The following SLC30A8 variants were observed in gnomAD, a reference collection of about 807,000 sequenced individuals.
The protein encoded by SLC30A8 is solute carrier family 30 member 8, also known as proton-coupled zinc antiporter SLC30A8.
A neutral mutation model predicts 36.9 loss-of-function variants in SLC30A8; 27 were observed. The ratio of observed to expected loss-of-function variants is 0.73; its 90% confidence interval spans 0.54 to 1.01. SLC30A8 has a LOEUF of 1.01. Ranked by LOEUF, SLC30A8 falls within the 50% of genes least tolerant of loss-of-function variation. SLC30A8 has a pLI of 0.00. For missense variants in SLC30A8, 439 were observed against 452.0 expected, an observed-to-expected ratio of 0.97 and a Z score of 0.26; for synonymous variants, 164 against 172.4, an observed-to-expected ratio of 0.95 and a Z score of 0.38.
intron 2 of SLC30A8, among the ~76,000 whole-genome samples, chr8:117,050,458 TGCAGTA>T (rs1163287401): frequency 1.3e-5 from 2 of 151,874 alleles, no homozygotes; most frequent in African/African-American, 4.8e-5. Flanking sequence ...CAGGCTGGAA[TGCAGTA>T]GCATGATCTC....
At chr8:117,124,217 A>G (rs1245943229) in intron 2 of SLC30A8, among the ~76,000 whole-genome samples, 1 of 151,958 alleles carries the variant, frequency 6.6e-6, no homozygotes, top group Non-Finnish European at 1.5e-5. Context: ...TGGTCTAGGG[A>G]GATGAATCTT....
At chr8:116,969,144 A>C (rs976995457) in intron 1 of SLC30A8, among the ~76,000 whole-genome samples, 1 of 152,034 alleles carries the variant, frequency 6.6e-6, no homozygotes, top group African/African-American at 2.4e-5. Flanking sequence ...GGGGCTTGAC[A>C]TGGTGGCTCA....
intron 2 of SLC30A8, among the ~76,000 whole-genome samples, chr8:117,151,793 T>A (rs577881142): frequency 6.6e-6 from 1 of 152,312 alleles, no homozygotes; most frequent in Admixed American, 6.5e-5. Flanking sequence ...CAGGACCAAG[T>A]TTGGCAGATA....
At chr8:117,049,048 A>G (rs1817633792) in intron 2 of SLC30A8, among the ~76,000 whole-genome samples, 1 of 152,236 alleles carries the variant, frequency 6.6e-6, no homozygotes, top group Admixed American at 6.5e-5. Flanking sequence ...GAAGATTTCT[A>G]GTATCATACA....
intron 1 of SLC30A8, among the ~76,000 whole-genome samples, chr8:116,975,847 C>T (rs1173086221): frequency 6.6e-6 from 1 of 152,198 alleles, no homozygotes; most frequent in Admixed American, 6.5e-5. Context: ...AGGAGATAGA[C>T]TTATTCATAA....
At chr8:117,022,435 A>G (rs1004740711) in intron 1 of SLC30A8, among the ~76,000 whole-genome samples, 15 of 152,198 alleles carry the variant, frequency 9.9e-5, no homozygotes, top group Non-Finnish European at 1.3e-4. Flanking sequence ...TCTGGTATGA[A>G]TGACCTTTAG....
chr8:117,126,888 G>A (rs930421667), intron 2 of SLC30A8, among the ~76,000 whole-genome samples: 2 of 152,016 alleles, frequency 1.3e-5, no homozygotes, highest in African/African-American at 4.8e-5. Context: ...TATCTGGCAG[G>A]ATGAGAATGC....
chr8:117,100,306 G>A (rs1819651478), intron 2 of SLC30A8, among the ~76,000 whole-genome samples: 1 of 152,086 alleles, frequency 6.6e-6, no homozygotes, highest in African/African-American at 2.4e-5. Context: ...ATATCACAGT[G>A]GAAAAGATAT....
At chr8:117,071,161 C>G (rs1195198629) in intron 2 of SLC30A8, among the ~76,000 whole-genome samples, 2 of 152,132 alleles carry the variant, frequency 1.3e-5, no homozygotes, top group East Asian at 3.9e-4. Flanking sequence ...ATAGTCCCAC[C>G]AACAACATAC....
chr8:117,142,689 A>G (rs56274031), intron 1 of SLC30A8, among the ~76,000 whole-genome samples: 7 of 152,216 alleles, frequency 4.6e-5, no homozygotes, highest in Admixed American at 6.5e-5. Flanking sequence ...TGGTAATTCT[A>G]TAACTTGCTG....
Position 117,171,086 on chromosome 8 carries a change from C to T in SLC30A8, c.882C>T (p.Val294=), listed in dbSNP as rs768720476. 3.0e-5 allele frequency: 48 copies of T among 1,612,032 alleles called. No homozygotes were observed. The highest frequency in any genetic ancestry group is 3.7e-5 in the Non-Finnish European group (44 of 1,179,112). ...YSGVKELILA[V]DGVLSVHSLH... ...GTGTGAAAGAGCTTATTTTAGCAGT[C>T]GACGGGGTGCTGTCTGTGCACAGCC... The change falls in exon 7 of 8, where the codon GTC becomes GTT. Residue 294 remains valine (V), a synonymous_variant. Transcript: ENST00000456015.
intron 2 of SLC30A8, among the ~76,000 whole-genome samples, chr8:117,065,989 C>T (rs1372260129): frequency 6.6e-6 from 1 of 152,112 alleles, no homozygotes; most frequent in African/African-American, 2.4e-5. Context: ...TGGCCCCATT[C>T]TGTATTATTC....
intron 2 of SLC30A8, among the ~76,000 whole-genome samples, chr8:117,081,042 T>A (rs148523064): frequency 1.1e-4 from 16 of 152,336 alleles, no homozygotes; most frequent in African/African-American, 3.6e-4. Flanking sequence ...TTATTTACTT[T>A]AATATCTTCC....
intron 2 of SLC30A8, among the ~76,000 whole-genome samples, chr8:117,103,889 C>A (rs1057093497): frequency 6.6e-6 from 1 of 152,146 alleles, no homozygotes; most frequent in African/African-American, 2.4e-5. Context: ...GTCCAAGCTA[C>A]GGCTTTTAGT....
intron 1 of SLC30A8, among the ~76,000 whole-genome samples, chr8:116,997,590 T>C (rs1815863871): frequency 6.6e-6 from 1 of 152,176 alleles, no homozygotes; most frequent in Non-Finnish European, 1.5e-5. Context: ...CAAAACCTAA[T>C]TGTCAAGTAA....
At chr8:117,086,359 G>T (rs1285978434) in intron 2 of SLC30A8, among the ~76,000 whole-genome samples, 1 of 152,128 alleles carries the variant, frequency 6.6e-6, no homozygotes, top group Non-Finnish European at 1.5e-5. Flanking sequence ...TAACATTTTT[G>T]CCACCCCACT....
At chr8:117,044,925 C>G (rs547803455) in intron 2 of SLC30A8, among the ~76,000 whole-genome samples, 43 of 152,294 alleles carry the variant, frequency 2.8e-4, no homozygotes, top group Admixed American at 2.1e-3. Flanking sequence ...GAACTAGCTG[C>G]AAATTCCGAG....
chr8:117,037,476 C>T (rs1028738996), intron 1 of SLC30A8, among the ~76,000 whole-genome samples: 4 of 152,078 alleles, frequency 2.6e-5, no homozygotes, highest in East Asian at 3.9e-4. Context: ...GGGATGAATA[C>T]GTGAGCAGGG....
chr8:117,066,213 T>G (rs957145958), intron 2 of SLC30A8, among the ~76,000 whole-genome samples: 8 of 152,184 alleles, frequency 5.3e-5, no homozygotes, highest in Non-Finnish European at 1.0e-4. Context: ...GCGCCTTCTT[T>G]CCACTGTCCT....
Sources: allele counts gnomAD v4.1 joint callset (sites outside exome capture counted in the v4.1 genomes callset), GRCh38; gene constraint gnomAD v4.1.1; transcripts MANE v1.5; gene names NCBI Gene and HGNC (gene_info 2026-07-23, HGNC 2026-07-21).